Variants in MYO10 observed in about 807,000 individuals in gnomAD.
MYO10 encodes the protein myosin X.
MYO10 carries 133 observed loss-of-function variants against 257.3 expected under a neutral mutation model. The observed-to-expected ratio is 0.52, with a 90% CI of 0.45 to 0.60. MYO10 has a LOEUF of 0.60. MYO10 is among the 20% of genes least tolerant of loss of function. The probability of loss-of-function intolerance (pLI) is 0.00; values close to 1 mark genes in which losing one functional copy is unlikely to be tolerated. For synonymous variants in MYO10, 1,104 were observed against 1,028.6 expected (o/e 1.07, Z -1.40); for missense variants, 2,399 against 2,635.7 (o/e 0.91, Z 1.97).
intron 9 of MYO10, among the ~76,000 whole-genome samples, chr5:16,778,500 T>C (rs1258479382): frequency 6.6e-6 from 1 of 152,036 alleles, no homozygotes; most frequent in Non-Finnish European, 1.5e-5. Flanking sequence ...TGAGGGAACC[T>C]GCCCAGGGCT....
At position 16,935,753 on chromosome 5, in the gene MYO10, C is replaced by T. The variant is rs780303291; in HGVS notation, c.21+35G>A. 5.6e-6 allele frequency: 9 copies of T among 1,613,072 alleles called. No homozygotes were observed. In the South Asian group the frequency reaches 8.8e-5, roughly 16 times the overall value. ...GTGGGCAGACGCCTCTCTCCCTGGG[C>T]TCCGGAGGCCAGGTCGGACTGGGAG... On this transcript the variant is annotated intron_variant, in intron 1 of 40. Coordinates refer to ENST00000513610, the MANE Select transcript of MYO10 (RefSeq NM_012334.3).
chr5:16,777,618 G>A (rs1028267756), intron 9 of MYO10, among the ~76,000 whole-genome samples: 1 of 152,058 alleles, frequency 6.6e-6, no homozygotes, highest in African/African-American at 2.4e-5. Flanking sequence ...GACTGTGTAT[G>A]GATATGGGCT....
In MYO10 at chr5:16,685,728, G is replaced by T; in HGVS notation, c.3990+10C>A. 1 of 1,465,798 alleles carries T rather than the reference G, an allele frequency of 6.8e-7. No homozygotes were observed. The highest frequency in any genetic ancestry group is 1.4e-5 in the African/African-American group (1 of 70,554). 90.8% of individuals were successfully genotyped at this position (1,465,798 alleles called of 1,614,324 possible). A position where few individuals can be genotyped will look rare whatever the true frequency, so the allele number is the denominator to read the frequency against. On this transcript the variant is annotated intron_variant, in intron 29 of 40. Transcript: ENST00000513610. ...ACGCCCCACCCCCATCCCACACAGT[G>T]CTCCCGTACCACAGCATTCTGTGGG...
At chr5:16,792,612 T>C (rs1249344220) in intron 4 of MYO10, among the ~76,000 whole-genome samples, 1 of 151,988 alleles carries the variant, frequency 6.6e-6, no homozygotes, top group African/African-American at 2.4e-5. Context: ...CTAAGTGCTC[T>C]GGGGTGAAAG....
chr5:16,670,062 TAA>T (rs1025091316), intron 39 of MYO10, among the ~76,000 whole-genome samples: 1 of 152,190 alleles, frequency 6.6e-6, no homozygotes, highest in African/African-American at 2.4e-5. Context: ...GCGGTCTACT[TAA>T]AACAAAACAA....
Position 16,670,906 on chromosome 5 carries a change from G to T in MYO10, c.5503C>A (p.Leu1835Ile). 6.2e-7 allele frequency: 1 copy of T among 1,613,956 alleles called. No homozygotes were observed. Among genetic ancestry groups the T allele is most frequent in the Non-Finnish European group, 8.5e-7 (1 of 1,179,858 alleles). The change falls in exon 39 of 41, where the codon CTC becomes ATC. Residue 1835 changes from leucine to isoleucine, a missense_variant. Leu to Ile is a conservative substitution (Grantham distance 5). Transcript: ENST00000513610. Reference protein sequence around the residue: ...ENLQVLAALRLQYLQGDYTLH... With the variant: ...ENLQVLAALRIQYLQGDYTLH... Reference sequence around the variant, plus strand: ...GTATAATCCCCCTGCAGATACTGGAGTCGCAGGGCAGCAAGAACCTGGAGG... The same window carrying T: ...GTATAATCCCCCTGCAGATACTGGATTCGCAGGGCAGCAAGAACCTGGAGG...
At chr5:16,707,099 A>G (rs992241320) in intron 21 of MYO10, among the ~76,000 whole-genome samples, 1 of 152,118 alleles carries the variant, frequency 6.6e-6, no homozygotes, top group Non-Finnish European at 1.5e-5. Context: ...TAAAAAGGGG[A>G]GTTGCCCTGC....
In MYO10 at chr5:16,868,106, G is replaced by GA. The variant is rs1195697391; in HGVS notation, c.120+9502dup. 5.3e-5 allele frequency among the ~76,000 whole-genome samples: 8 copies of GA among 152,280 alleles called. No individual in the cohort carries two copies. In the East Asian group the frequency reaches 1.3e-3, roughly 26 times the overall value. On this transcript the variant is annotated intron_variant, in intron 2 of 40. Transcript: ENST00000513610. ...GAGCAATCAAATTAGACTCTTTCCA[G>GA]AAAAAGATAATAAAATAGTTCTAAT...
intron 27 of MYO10, among the ~76,000 whole-genome samples, chr5:16,691,690 C>T (rs1737512989): frequency 8.1e-6 from 1 of 124,112 alleles, no homozygotes; most frequent in South Asian, 2.8e-4. Context: ...CAGAGCGAGA[C>T]TCTGTATCAA....
chr5:16,832,051 TC>T (rs1330684505), intron 2 of MYO10, among the ~76,000 whole-genome samples: 2 of 152,052 alleles, frequency 1.3e-5, no homozygotes, highest in Non-Finnish European at 2.9e-5. Context: ...CAAGTGATGC[TC>T]CCCGCCTTAG....
At chr5:16,849,314 T>C (rs1743731443) in intron 2 of MYO10, among the ~76,000 whole-genome samples, 1 of 152,180 alleles carries the variant, frequency 6.6e-6, no homozygotes. Flanking sequence ...CGAAAATAAA[T>C]TCAAAAGCTG....
At chr5:16,873,927 C>T (rs71609331) in intron 2 of MYO10, among the ~76,000 whole-genome samples, 107 of 152,244 alleles carry the variant, frequency 7.0e-4, no homozygotes, top group Non-Finnish European at 1.2e-3. Context: ...GAGGGGCTGC[C>T]GTGAAGGTCT....
chr5:16,769,858 G>T (rs1740992189), intron 9 of MYO10, among the ~76,000 whole-genome samples: 1 of 152,184 alleles, frequency 6.6e-6, no homozygotes, highest in African/African-American at 2.4e-5. Flanking sequence ...AGAGTGTAAT[G>T]AAATATTTAT....
At chr5:16,866,747 A>T (rs1744261941) in intron 2 of MYO10, among the ~76,000 whole-genome samples, 2 of 152,204 alleles carry the variant, frequency 1.3e-5, no homozygotes, top group South Asian at 4.1e-4. Flanking sequence ...ACTGAAAAGA[A>T]TCTAACCCTA....
intron 2 of MYO10, among the ~76,000 whole-genome samples, chr5:16,855,260 T>A (rs1743928561): frequency 6.6e-6 from 1 of 152,170 alleles, no homozygotes; most frequent in African/African-American, 2.4e-5. Flanking sequence ...AGGAATTATT[T>A]TTTCTCTATG....
chr5:16,928,665 G>GT (rs1364288518), intron 1 of MYO10, among the ~76,000 whole-genome samples: 10 of 151,778 alleles, frequency 6.6e-5, no homozygotes, highest in Admixed American at 2.6e-4. Flanking sequence ...CCAACAAGGT[G>GT]AAACCCCATC....
At chr5:16,855,571 G>A (rs539280715) in intron 2 of MYO10, among the ~76,000 whole-genome samples, 8 of 152,306 alleles carry the variant, frequency 5.3e-5, no homozygotes, top group African/African-American at 1.9e-4. Flanking sequence ...CACTGCTCGG[G>A]GAAGGAAATT....
At position 16,764,268 on chromosome 5, in the gene MYO10, A is replaced by T; in HGVS notation, c.1308T>A (p.Phe436Leu). ...AACCTACCTCAAAGTTTTCAAATCC[A>T]AAGATGTCGAGGATGCCAATAGACT... ...DFKSIGILDI[F>L]GFENFEVNHF... Residue 436 changes from phenylalanine to leucine, a missense_variant, in exon 12 of 41, where the codon TTT becomes TTA. Phe to Leu is a conservative substitution (Grantham distance 22, BLOSUM62 0). Coordinates refer to ENST00000513610, the MANE Select transcript of MYO10 (RefSeq NM_012334.3). The T allele has an allele frequency of 6.2e-7, 1 of 1,614,012 alleles. No individual in the cohort carries two copies. The highest frequency in any genetic ancestry group is 8.5e-7 in the Non-Finnish European group (1 of 1,179,894).
Position 16,766,171 on chromosome 5 carries a change from C to A in MYO10, c.1088G>T (p.Gly363Val). The A allele has an allele frequency of 6.2e-7, 1 of 1,613,642 alleles. No individual in the cohort carries two copies. Residue 363 changes from glycine to valine, a missense_variant, in exon 11 of 41, where the codon GGG becomes GTG. By Grantham distance (109) the Gly-to-Val change is moderately radical (BLOSUM62 -3). Transcript: ENST00000513610. The stretch of plus-strand genomic sequence containing the variant: ...ATCTGTGAGCTGTGTTGGGTCCAGC[C>A]CAAGTAACTCCGCAGATCTGCCCAA... Reference protein sequence around the residue: ...TALGRSAELLGLDPTQLTDAL... With the variant: ...TALGRSAELLVLDPTQLTDAL...
Sources: allele counts gnomAD v4.1 joint callset (sites outside exome capture counted in the v4.1 genomes callset), GRCh38; gene constraint gnomAD v4.1.1; transcripts MANE v1.5; gene names NCBI Gene and HGNC (gene_info 2026-07-23, HGNC 2026-07-21).